PBX1: variants seen among roughly 807,000 people sequenced by gnomAD.
PBX1 encodes the protein PBX homeobox 1.
Under a neutral mutation model 53.4 loss-of-function variants are expected in PBX1, and 6 were observed. The observed-to-expected ratio is 0.11, with a 90% CI of 0.06 to 0.22. The LOEUF (loss-of-function observed/expected upper bound fraction) is 0.22. Among genes scored for constraint, PBX1 ranks in the 10% least tolerant of loss-of-function variants. The pLI is 1.00. For missense variants in PBX1, 251 were observed against 551.4 expected, an observed-to-expected ratio of 0.46 and a Z score of 5.46; for synonymous variants, 204 against 212.3, an observed-to-expected ratio of 0.96 and a Z score of 0.34.
intron 2 of PBX1, among the ~76,000 whole-genome samples, chr1:164,687,704 A>G (rs1662201084): frequency 6.6e-6 from 1 of 152,130 alleles, no homozygotes; most frequent in South Asian, 2.1e-4. Context: ...AACATACGCA[A>G]GGTTTTAAGA....
At chr1:164,613,644 T>C (rs1657085575) in intron 2 of PBX1, among the ~76,000 whole-genome samples, 1 of 152,196 alleles carries the variant, frequency 6.6e-6, no homozygotes, top group Non-Finnish European at 1.5e-5. Context: ...ACACCAGCAA[T>C]TAGTACAGTG....
rs543168023 is a variant in PBX1, at chr1:164,658,572, A to G, written c.265+95261A>G. Among the ~76,000 whole-genome samples, 70 of 152,290 alleles carry G rather than the reference A, an allele frequency of 4.6e-4. 1 individual carries two copies. The South Asian group carries it at 0.014, about 30-fold the overall frequency. The stretch of plus-strand genomic sequence containing the variant: ...TATCCCCGAGTGTGTTTGACACTAT[A>G]TAAGTGTATACACAGCATGGTGTCA... On this transcript the variant is annotated intron_variant, in intron 2 of 8. Coordinates refer to ENST00000420696, the MANE Select transcript of PBX1 (RefSeq NM_002585.4).
At chr1:164,747,779 G>A (rs1178352794) in intron 2 of PBX1, among the ~76,000 whole-genome samples, 2 of 152,098 alleles carry the variant, frequency 1.3e-5, no homozygotes, top group African/African-American at 2.4e-5. Context: ...TGATACCAAG[G>A]TAGTGGCTAT....
chr1:164,821,586 G>A lies in PBX1; in HGVS notation c.1160G>A (p.Gly387Glu). ...VISQTGGYSD[G>E]LAASQMYSPQ... The stretch of plus-strand genomic sequence containing the variant: ...AGCCAGACAGGAGGATACAGTGATG[G>A]ACTCGCAGCCAGTCAGATGTACAGT... The change falls in exon 8 of 9, where the codon GGA (glycine) becomes GAA (glutamate). Residue 387 changes from glycine (G) to glutamate (E), a missense_variant. Around this residue, in one of 4 missense-constraint regions of PBX1, gnomAD observed 92 missense variants for 130.4 expected, o/e 0.71. Transcript: ENST00000420696. 1 of 1,614,040 alleles carries A rather than the reference G, an allele frequency of 6.2e-7. No homozygotes were observed. Among genetic ancestry groups the A allele is most frequent in the Non-Finnish European group, 8.5e-7 (1 of 1,179,972 alleles).
intron 2 of PBX1, among the ~76,000 whole-genome samples, chr1:164,611,376 T>A (rs1297713429): frequency 1.3e-5 from 2 of 152,178 alleles, no homozygotes; most frequent in African/African-American, 4.8e-5. Context: ...TAGCTGGGAC[T>A]ACAGGCGCCC....
intron 2 of PBX1, among the ~76,000 whole-genome samples, chr1:164,777,145 C>T (rs1415818605): frequency 6.6e-6 from 1 of 152,106 alleles, no homozygotes; most frequent in African/African-American, 2.4e-5. Flanking sequence ...TTGAAATAAT[C>T]TCAGGAGGGA....
chr1:164,832,068 T>C (rs1264662479), intron 8 of PBX1, among the ~76,000 whole-genome samples: 1 of 152,232 alleles, frequency 6.6e-6, no homozygotes, highest in Non-Finnish European at 1.5e-5. Context: ...AGTTGAATTA[T>C]AGTGTGATTA....
chr1:164,711,760 C>T (rs987092379), intron 2 of PBX1, among the ~76,000 whole-genome samples: 5 of 152,186 alleles, frequency 3.3e-5, no homozygotes, highest in African/African-American at 1.2e-4. Flanking sequence ...TATATGTGTA[C>T]ATGTGGAAGG....
chr1:164,575,057 G>A (rs78497110), intron 2 of PBX1, among the ~76,000 whole-genome samples: 3,195 of 152,246 alleles, frequency 0.021, 60 homozygotes, highest in South Asian at 0.036. Context: ...TCCACCTTGC[G>A]GACTTTGTGA....
chr1:164,693,339 C>T (rs1358697093), intron 2 of PBX1, among the ~76,000 whole-genome samples: 1 of 152,180 alleles, frequency 6.6e-6, no homozygotes, highest in East Asian at 1.9e-4. Flanking sequence ...GGAGCTATTA[C>T]AATTATTATA....
chr1:164,625,711 AGT>A (rs887956460), intron 2 of PBX1, among the ~76,000 whole-genome samples: 17 of 150,886 alleles, frequency 1.1e-4, no homozygotes, highest in Non-Finnish European at 2.2e-4. Context: ...TGTGTATGTG[AGT>A]GTGTGTGTGT....
chr1:164,846,722 C>A lies in PBX1; in HGVS notation c.*46C>A, dbSNP rs374816345. 13 of 1,613,642 alleles carry A rather than the reference C, an allele frequency of 8.1e-6. No individual in the cohort carries two copies. The highest frequency in any genetic ancestry group is 1.1e-5 in the Non-Finnish European group (13 of 1,179,900). On this transcript the variant is annotated 3_prime_UTR_variant, in exon 9 of 9. Transcript: ENST00000420696. ...GGCTGACCCTGTGCCCCAGTTGGGG[C>A]AGGGGCAGGAGGGAGGGTTTCTCTC... is the stretch of plus-strand genomic sequence containing the variant.
At chr1:164,703,606 C>T (rs867762954) in intron 2 of PBX1, among the ~76,000 whole-genome samples, 5 of 152,292 alleles carry the variant, frequency 3.3e-5, no homozygotes, top group Middle Eastern at 3.4e-3. Flanking sequence ...ACAGCCCAGG[C>T]GTACATGTGA....
intron 2 of PBX1, chr1:164,682,008 C>T (rs1661803754): frequency 6.6e-6 from 1 of 152,132 alleles, no homozygotes; most frequent in Non-Finnish European, 1.5e-5. Context: ...ATCAAAATAG[C>T]ACCTTTAAGT....
rs1296188486 is a variant in PBX1, at chr1:164,804,345, C to T, written c.702-3197C>T. On this transcript the variant is annotated intron_variant, in intron 4 of 8. Coordinates refer to ENST00000420696, the MANE Select transcript of PBX1 (RefSeq NM_002585.4). ...TATTTTATGTTTTTGATGGTGTCCC[C>T]AGAGCTACAATCTTTTTCCAGGAGG... is the stretch of plus-strand genomic sequence containing the variant. 2.6e-5 allele frequency among the ~76,000 whole-genome samples: 4 copies of T among 152,118 alleles called. No homozygotes were observed. The East Asian group carries it at 7.7e-4, about 29-fold the overall frequency.
intron 2 of PBX1, among the ~76,000 whole-genome samples, chr1:164,867,227 A>T (rs767241375): frequency 6.6e-6 from 1 of 152,164 alleles, no homozygotes; most frequent in Non-Finnish European, 1.5e-5. Flanking sequence ...GTAGAGCGGG[A>T]ATCTCTGGGT....
At chr1:164,786,656 G>A (rs550110997) in intron 2 of PBX1, among the ~76,000 whole-genome samples, 9 of 149,392 alleles carry the variant, frequency 6.0e-5, no homozygotes, top group South Asian at 2.2e-4. Context: ...CCAGAGTATC[G>A]GTGTGCCTTG....
chr1:164,663,597 T>C (rs181393985), intron 2 of PBX1, among the ~76,000 whole-genome samples: 1 of 152,350 alleles, frequency 6.6e-6, no homozygotes, highest in Non-Finnish European at 1.5e-5. Context: ...AAGATACTTA[T>C]ATTTAATGAG....
chr1:164,571,903 A>G (rs57096843), intron 2 of PBX1, among the ~76,000 whole-genome samples: 1 of 114,474 alleles, frequency 8.7e-6, no homozygotes, highest in African/African-American at 3.2e-5. Flanking sequence ...ATATATATAT[A>G]TATATATATA....
Sources: allele counts gnomAD v4.1 joint callset (sites outside exome capture counted in the v4.1 genomes callset), GRCh38; gene constraint gnomAD v4.1.1; regional missense constraint gnomAD v4.1.1; transcripts MANE v1.5; gene names NCBI Gene and HGNC (gene_info 2026-07-23, HGNC 2026-07-21).